The following ADORA2B variants were observed in gnomAD, a reference collection of about 807,000 sequenced individuals.
ADORA2B encodes adenosine A2b receptor, also known as adenosine receptor A2b.
ADORA2B carries 18 observed loss-of-function variants against 20.8 expected under a neutral mutation model. That is an observed-to-expected ratio of 0.87 (90% CI 0.60 to 1.29). The LOEUF (loss-of-function observed/expected upper bound fraction) is 1.29, where lower values mean the gene tolerates loss of function less well. Ranked by LOEUF, ADORA2B falls within the 50% of genes most tolerant of loss-of-function variation. The pLI is 0.00. For synonymous variants in ADORA2B, 179 were observed against 178.3 expected (o/e 1.00, Z -0.03); for missense variants, 441 against 422.7 (o/e 1.04, Z -0.38).
chr17:15,851,740 C>T, the ADORA2B span, among the ~76,000 whole-genome samples: 3 of 152,116 alleles, frequency 2.0e-5, no homozygotes, highest in African/African-American at 7.2e-5. Context: ...TTCAAAGAGA[C>T]AAGGATGGAA....
chr17:15,908,848 TC>T, the ADORA2B span, among the ~76,000 whole-genome samples: 1 of 152,154 alleles, frequency 6.6e-6, no homozygotes, highest in East Asian at 1.9e-4. Flanking sequence ...GCTTTGCTCT[TC>T]CGTGGGACAC....
upstream of ADORA2B, among the ~76,000 whole-genome samples, chr17:15,942,574 G>C (rs893468507): frequency 6.6e-6 from 1 of 152,200 alleles, no homozygotes; most frequent in African/African-American, 2.4e-5. Context: ...TCTGAAAAGG[G>C]GAAATGGTGA....
At chr17:15,897,449 T>A in the ADORA2B span, among the ~76,000 whole-genome samples, 30 of 152,188 alleles carry the variant, frequency 2.0e-4, no homozygotes, top group East Asian at 5.8e-3. Flanking sequence ...ATGTCTGTGA[T>A]CCCAGCTAAC....
the ADORA2B span, among the ~76,000 whole-genome samples, chr17:15,853,084 A>G: frequency 6.6e-6 from 1 of 152,222 alleles, no homozygotes; most frequent in Non-Finnish European, 1.5e-5. Context: ...ACTGCTAGTA[A>G]TGAAAGAGAA....
the ADORA2B span, among the ~76,000 whole-genome samples, chr17:15,913,675 C>A: frequency 6.6e-6 from 1 of 152,208 alleles, no homozygotes; most frequent in Admixed American, 6.5e-5. Flanking sequence ...CTTATTAAAA[C>A]CTTACCAACA....
intron 1 of ADORA2B, among the ~76,000 whole-genome samples, chr17:15,948,870 A>G (rs2058366): frequency 0.98 from 148,869 of 152,224 alleles, 72,839 homozygotes; most frequent in Non-Finnish European, 0.99. Context: ...TGCTTAGGGT[A>G]GGAGTTGGCG....
At chr17:15,889,106 G>A in the ADORA2B span, among the ~76,000 whole-genome samples, 2 of 123,312 alleles carry the variant, frequency 1.6e-5, no homozygotes, top group Non-Finnish European at 3.3e-5. Context: ...GACCTCAGGT[G>A]ATCCACCTGC....
chr17:15,859,488 C>T, the ADORA2B span, among the ~76,000 whole-genome samples: 8 of 151,738 alleles, frequency 5.3e-5, no homozygotes, highest in East Asian at 1.4e-3. Flanking sequence ...TGTTTTCTTC[C>T]GTGACTGTTT....
At chr17:15,862,776 A>G in the ADORA2B span, among the ~76,000 whole-genome samples, 1 of 151,116 alleles carries the variant, frequency 6.6e-6, no homozygotes, top group Non-Finnish European at 1.5e-5. Context: ...ATTTATCAGT[A>G]TACAAAATCG....
At chr17:15,866,455 G>C in the ADORA2B span, among the ~76,000 whole-genome samples, 1 of 151,326 alleles carries the variant, frequency 6.6e-6, no homozygotes, top group African/African-American at 2.4e-5. Flanking sequence ...TCCCTTTTGG[G>C]ATGCACCTGC....
chr17:15,910,281 G>A, the ADORA2B span, among the ~76,000 whole-genome samples: 3 of 152,054 alleles, frequency 2.0e-5, no homozygotes, highest in Non-Finnish European at 2.9e-5. Flanking sequence ...CTTTGAATGC[G>A]GCCCAACACA....
intron 1 of ADORA2B, among the ~76,000 whole-genome samples, chr17:15,960,933 C>T (rs1398175927): frequency 4.7e-5 from 7 of 149,420 alleles, no homozygotes; most frequent in African/African-American, 9.9e-5. Flanking sequence ...TTTGGGAGGC[C>T]GAGGCGGGCG....
At chr17:15,923,356 T>C in the ADORA2B span, among the ~76,000 whole-genome samples, 1 of 145,466 alleles carries the variant, frequency 6.9e-6, no homozygotes, top group South Asian at 2.2e-4. Flanking sequence ...TGCCATTGCC[T>C]CTCTCTCTCT....
At chr17:15,913,743 G>A in the ADORA2B span, among the ~76,000 whole-genome samples, 1 of 152,220 alleles carries the variant, frequency 6.6e-6, no homozygotes, top group South Asian at 2.1e-4. Flanking sequence ...ATCTTGCAGT[G>A]TTGGCCAAAG....
At chr17:15,909,837 G>C in the ADORA2B span, among the ~76,000 whole-genome samples, 1 of 152,230 alleles carries the variant, frequency 6.6e-6, no homozygotes, top group African/African-American at 2.4e-5. Context: ...GGGCAGTGAA[G>C]TCCTGTTGTT....
chr17:15,945,340 C>G lies in ADORA2B; in HGVS notation c.92C>G (p.Ala31Gly). ...GCGGGCAACGTGCTGGTGTGCGCCG[C>G]GGTGGGCACGGCGAACACTCTGCAG... Reference protein sequence around the residue: ...SVAGNVLVCAAVGTANTLQTP... With the variant: ...SVAGNVLVCAGVGTANTLQTP... Residue 31 changes from alanine (A) to glycine (G), a missense_variant, in exon 1 of 2, where the codon GCG becomes GGG. Physicochemically the swap from Ala to Gly is moderately conservative, Grantham distance 60. Transcript: ENST00000304222. 6.2e-7 allele frequency: 1 copy of G among 1,605,024 alleles called. No homozygotes were observed. Among genetic ancestry groups the G allele is most frequent in the Non-Finnish European group, 8.5e-7 (1 of 1,178,054 alleles).
chr17:15,908,628 C>T, the ADORA2B span: 4 of 183,712 alleles, frequency 2.2e-5, no homozygotes, highest in Admixed American at 5.4e-5. Context: ...TACTTTCGGA[C>T]GTAACCCATG....
chr17:15,896,927 G>A, the ADORA2B span, among the ~76,000 whole-genome samples: 1 of 152,208 alleles, frequency 6.6e-6, no homozygotes, highest in Non-Finnish European at 1.5e-5. Context: ...GAGGAAGGGA[G>A]CATGTAACAT....
the ADORA2B span, among the ~76,000 whole-genome samples, chr17:15,912,995 TG>T: frequency 6.6e-6 from 1 of 152,200 alleles, no homozygotes; most frequent in Non-Finnish European, 1.5e-5. Flanking sequence ...CAGATGGTGA[TG>T]GAGAGAAAAC....
Sources: gnomAD v4.1 joint callset for allele counts (sites outside exome capture counted in the v4.1 genomes callset) on GRCh38, gnomAD v4.1.1 for gene constraint, MANE v1.5 for transcripts, NCBI Gene and HGNC (gene_info 2026-07-23, HGNC 2026-07-21) for gene names.